The following SGCZ variants were observed in gnomAD, a reference collection of about 807,000 sequenced individuals.
SGCZ encodes the protein zeta-sarcoglycan.
Under a neutral mutation model 41.3 loss-of-function variants are expected in SGCZ, and 40 were observed. The ratio of observed to expected loss-of-function variants is 0.97; its 90% CI spans 0.75 to 1.26. The LOEUF (loss-of-function observed/expected upper bound fraction) is 1.26, where lower values mean the gene tolerates loss of function less well. Among genes scored for constraint, SGCZ ranks in the 50% most tolerant of loss-of-function variants. The probability of loss-of-function intolerance (pLI) is 0.00; values close to 1 mark genes in which losing one functional copy is unlikely to be tolerated. For synonymous variants in SGCZ, 206 were observed against 137.5 expected (o/e 1.50, Z -3.49); for missense variants, 552 against 369.8 (o/e 1.49, Z -4.04).
intron 1 of SGCZ, among the ~76,000 whole-genome samples, chr8:14,917,242 T>A (rs977575265): frequency 6.6e-6 from 1 of 152,122 alleles, no homozygotes; most frequent in African/African-American, 2.4e-5. Flanking sequence ...TATACAGTGT[T>A]CTATGGACAA....
chr8:15,008,843 A>C (rs917983535), intron 1 of SGCZ, among the ~76,000 whole-genome samples: 16 of 148,772 alleles, frequency 1.1e-4, no homozygotes, highest in Non-Finnish European at 1.9e-4. Flanking sequence ...GAGGGGAGGG[A>C]TTAAAACTTG....
At chr8:15,143,337 T>A (rs960422213) in intron 1 of SGCZ, among the ~76,000 whole-genome samples, 7 of 152,308 alleles carry the variant, frequency 4.6e-5, no homozygotes, top group Admixed American at 2.6e-4. Context: ...GAAAAATATC[T>A]ATTGAAAGAA....
chr8:14,092,313 T>C (rs200605195), intron 7 of SGCZ, among the ~76,000 whole-genome samples: 1 of 152,100 alleles, frequency 6.6e-6, no homozygotes, highest in Non-Finnish European at 1.5e-5. Context: ...TCTTTTTTGG[T>C]TCCATATGAA....
intron 1 of SGCZ, among the ~76,000 whole-genome samples, chr8:15,186,104 A>T (rs1242598227): frequency 1.1e-4 from 4 of 37,484 alleles, no homozygotes; most frequent in Middle Eastern, 0.011. Context: ...AAAAAAATAA[A>T]AAAAAAACTT....
At chr8:14,361,006 A>G (rs974302197) in intron 2 of SGCZ, among the ~76,000 whole-genome samples, 2 of 152,156 alleles carry the variant, frequency 1.3e-5, no homozygotes, top group African/African-American at 2.4e-5. Flanking sequence ...GTGATATCTC[A>G]TAGTTTTCAT....
intron 1 of SGCZ, among the ~76,000 whole-genome samples, chr8:15,023,559 C>T (rs1803335752): frequency 6.6e-6 from 1 of 152,138 alleles, no homozygotes; most frequent in Non-Finnish European, 1.5e-5. Flanking sequence ...GAAATGTTTG[C>T]CACCAGTCAA....
At chr8:14,113,837 G>A (rs867969017) in intron 5 of SGCZ, among the ~76,000 whole-genome samples, 2 of 152,024 alleles carry the variant, frequency 1.3e-5, no homozygotes, top group African/African-American at 4.8e-5. Context: ...TAGCAGTTGT[G>A]TGGATTTTAC....
At chr8:14,897,987 G>A (rs1045918107) in intron 1 of SGCZ, among the ~76,000 whole-genome samples, 26 of 151,922 alleles carry the variant, frequency 1.7e-4, no homozygotes, top group African/African-American at 6.3e-4. Flanking sequence ...GGTGAAGAAA[G>A]ACATTTTAAA....
At chr8:14,738,710 C>T (rs1041085668) in intron 1 of SGCZ, among the ~76,000 whole-genome samples, 11 of 151,946 alleles carry the variant, frequency 7.2e-5, no homozygotes, top group Non-Finnish European at 1.2e-4. Context: ...TCATGGTATC[C>T]CAAGGACATA....
At chr8:15,017,510 A>ATTT (rs956777441) in intron 1 of SGCZ, among the ~76,000 whole-genome samples, 1 of 151,104 alleles carries the variant, frequency 6.6e-6, no homozygotes, top group Non-Finnish European at 1.5e-5. Flanking sequence ...GCATCACATT[A>ATTT]TTTTTTTTTG....
intron 1 of SGCZ, among the ~76,000 whole-genome samples, chr8:15,137,107 G>A (rs1278784326): frequency 1.3e-5 from 2 of 152,200 alleles, no homozygotes; most frequent in Non-Finnish European, 2.9e-5. Context: ...AGTCCAGGCT[G>A]AGATGGTCTT....
At chr8:14,427,045 T>TGAATGAATGAATGGAGTGAATGAAG (rs1310070106) in intron 2 of SGCZ, among the ~76,000 whole-genome samples, 41 of 141,848 alleles carry the variant, frequency 2.9e-4, no homozygotes, top group African/African-American at 8.7e-4. Flanking sequence ...AATGAATGAA[T>TGAATGAATGAATGGAGTGAATGAAG]GAATGAATGA....
At chr8:15,051,815 C>G (rs1030897116) in intron 1 of SGCZ, among the ~76,000 whole-genome samples, 1 of 152,056 alleles carries the variant, frequency 6.6e-6, no homozygotes, top group Non-Finnish European at 1.5e-5. Flanking sequence ...GTGTTTTAAC[C>G]ATAGCATCAA....
chr8:15,098,825 G>T (rs568230300), intron 1 of SGCZ, among the ~76,000 whole-genome samples: 1 of 152,164 alleles, frequency 6.6e-6, no homozygotes, highest in Non-Finnish European at 1.5e-5. Flanking sequence ...TTGGGAGGCC[G>T]ATGAGGGCGG....
intron 2 of SGCZ, among the ~76,000 whole-genome samples, chr8:14,518,564 C>T (rs932170252): frequency 1.3e-5 from 2 of 152,038 alleles, no homozygotes; most frequent in African/African-American, 4.8e-5. Context: ...TAAAATAGAA[C>T]TTTGTCTAGA....
chr8:15,087,466 G>T (rs972536746), intron 1 of SGCZ, among the ~76,000 whole-genome samples: 3 of 151,984 alleles, frequency 2.0e-5, no homozygotes, highest in Non-Finnish European at 4.4e-5. Flanking sequence ...CATTCCCCAC[G>T]TTGGTTTTGG....
In SGCZ at chr8:14,616,670, G is replaced by A. The variant is rs186019703; in HGVS notation, c.40-61744C>T. ...ATTTAAAAAGAGAGACCGGAAAATT[G>A]AGTATGTTAGTCAACTGATTGTTTT... On this transcript the variant is annotated intron_variant, in intron 1 of 7. Transcript: ENST00000382080. Among the ~76,000 whole-genome samples, 11 of 152,210 alleles carry A rather than the reference G, an allele frequency of 7.2e-5. No homozygotes were observed. In the East Asian group the frequency reaches 2.1e-3, roughly 29 times the overall value.
intron 1 of SGCZ, among the ~76,000 whole-genome samples, chr8:14,963,823 G>A (rs1489567724): frequency 6.6e-6 from 1 of 152,164 alleles, no homozygotes; most frequent in Non-Finnish European, 1.5e-5. Flanking sequence ...CTGTAGGAGA[G>A]ATCACTCATT....
chr8:14,204,906 C>A (rs764554674), intron 4 of SGCZ, among the ~76,000 whole-genome samples: 1 of 152,066 alleles, frequency 6.6e-6, no homozygotes, highest in Non-Finnish European at 1.5e-5. Flanking sequence ...CAGACTTGGA[C>A]TGAGCCTTGT....
Sources: gnomAD v4.1 joint callset for allele counts (sites outside exome capture counted in the v4.1 genomes callset) on GRCh38, gnomAD v4.1.1 for gene constraint, MANE v1.5 for transcripts, NCBI Gene and HGNC (gene_info 2026-07-23, HGNC 2026-07-21) for gene names.